Variants in DOP1A observed in about 807,000 individuals in gnomAD.
DOP1A encodes the protein DOP1 leucine zipper like protein A.
Under a neutral mutation model 267.6 loss-of-function variants are expected in DOP1A, and 90 were observed. That is an observed-to-expected ratio of 0.34 (90% confidence interval 0.28 to 0.40). DOP1A has a LOEUF of 0.40. Among genes scored for constraint, DOP1A ranks in the 10% least tolerant of loss-of-function variants. DOP1A has a pLI of 1.00. For missense variants in DOP1A, 2,437 were observed against 2,900.4 expected (o/e 0.84, Z 3.67); for synonymous variants, 932 against 999.1 (o/e 0.93, Z 1.27).
intron 1 of DOP1A, among the ~76,000 whole-genome samples, chr6:83,090,510 G>A (rs73752518): frequency 0.019 from 2,959 of 152,204 alleles, 108 homozygotes; most frequent in African/African-American, 0.067. Flanking sequence ...ATGGGGATAC[G>A]TTATATTTGC....
At chr6:83,147,974 G>C (rs1346140520) in intron 26 of DOP1A, among the ~76,000 whole-genome samples, 1 of 152,126 alleles carries the variant, frequency 6.6e-6, no homozygotes, top group Admixed American at 6.5e-5. Flanking sequence ...CAAGGTGAAG[G>C]AAAAAGAACT....
chr6:83,095,466 G>A (rs1158691479), intron 1 of DOP1A, among the ~76,000 whole-genome samples: 1 of 152,082 alleles, frequency 6.6e-6, no homozygotes, highest in African/African-American at 2.4e-5. Context: ...AATTGTGTTA[G>A]CATCCCCTAA....
chr6:83,088,132 A>G (rs1180081541), intron 1 of DOP1A, among the ~76,000 whole-genome samples: 1 of 152,076 alleles, frequency 6.6e-6, no homozygotes, highest in Non-Finnish European at 1.5e-5. Flanking sequence ...TCGGTCTCCC[A>G]AAGTGTTGGG....
rs764402698 is a variant in DOP1A, at chr6:83,168,007, G to A, written c.7238G>A (p.Ser2413Asn). The stretch of plus-strand genomic sequence containing the variant: ...CAAGTCTTCAACAGCAAAGTCACAA[G>A]CCGATGTGGAGGACACTCAGGGAGT... The part of the protein sequence containing the change: ...LSQVFNSKVT[S>N]RCGGHSGSPI... Residue 2413 changes from serine to asparagine, a missense_variant, in exon 39 of 39, where the codon AGC becomes AAC. Physicochemically the swap from Ser to Asn is conservative, Grantham distance 46. Transcript: ENST00000349129. 17 of 1,614,040 alleles carry A rather than the reference G, an allele frequency of 1.1e-5. No homozygotes were observed. The highest frequency in any genetic ancestry group is 9.9e-5 in the South Asian group (9 of 91,090).
intron 37 of DOP1A, among the ~76,000 whole-genome samples, chr6:83,161,852 G>A (rs1310771485): frequency 6.6e-6 from 1 of 152,046 alleles, no homozygotes; most frequent in Non-Finnish European, 1.5e-5. Context: ...ATTCTCAGAT[G>A]TGCACAAAAA....
intron 6 of DOP1A, among the ~76,000 whole-genome samples, chr6:83,111,608 T>G (rs1373135987): frequency 6.6e-6 from 1 of 152,146 alleles, no homozygotes; most frequent in Non-Finnish European, 1.5e-5. Context: ...TTGATTTGCA[T>G]TTCCCTAAAG....
chr6:83,091,494 A>G (rs1044346527), intron 1 of DOP1A, among the ~76,000 whole-genome samples: 4 of 152,200 alleles, frequency 2.6e-5, no homozygotes, highest in Admixed American at 2.6e-4. Context: ...GCCTAAAAAA[A>G]AGTAAGAAAG....
intron 15 of DOP1A, among the ~76,000 whole-genome samples, chr6:83,128,604 T>C (rs961387595): frequency 6.6e-6 from 1 of 152,196 alleles, no homozygotes; most frequent in African/African-American, 2.4e-5. Flanking sequence ...GAAAGTGATT[T>C]CATGAAGTAG....
At chr6:83,095,773 G>A (rs1350800237) in intron 1 of DOP1A, among the ~76,000 whole-genome samples, 1 of 152,132 alleles carries the variant, frequency 6.6e-6, no homozygotes, top group African/African-American at 2.4e-5. Flanking sequence ...GCCAGTTGGG[G>A]CCACAGTCAA....
rs776985152 is a variant in DOP1A at position 83,119,021 on chromosome 6, A to G, written c.880+34A>G. On this transcript the variant is annotated intron_variant, in intron 8 of 38. Coordinates refer to ENST00000349129, the MANE Select transcript of DOP1A (RefSeq NM_015018.4). Reference sequence around the variant, plus strand: ...TTGATGTCTGTGGTCATGATTGGGGAAAAAATGGAGGGAGATTTGTCATGT... The same window carrying G: ...TTGATGTCTGTGGTCATGATTGGGGGAAAAATGGAGGGAGATTTGTCATGT... 5.4e-4 allele frequency: 855 copies of G among 1,578,528 alleles called. 2 individuals carry two copies. Among genetic ancestry groups the G allele is most frequent in the Admixed American group, 6.2e-4 (37 of 59,588 alleles).
intron 1 of DOP1A, among the ~76,000 whole-genome samples, chr6:83,074,035 A>G (rs867907359): frequency 2.0e-5 from 3 of 152,236 alleles, no homozygotes; most frequent in Admixed American, 2.0e-4. Flanking sequence ...TCAGGAAGTG[A>G]GGATCATTGA....
At chr6:83,087,272 AGTT>A (rs1251617887) in intron 1 of DOP1A, among the ~76,000 whole-genome samples, 1 of 152,224 alleles carries the variant, frequency 6.6e-6, no homozygotes, top group Non-Finnish European at 1.5e-5. Context: ...GGTATGAAAT[AGTT>A]GTGTCAAGAA....
intron 1 of DOP1A, among the ~76,000 whole-genome samples, chr6:83,076,967 A>C (rs1046590691): frequency 6.6e-5 from 10 of 152,372 alleles, no homozygotes; most frequent in African/African-American, 2.4e-4. Flanking sequence ...ACATGCTATA[A>C]CATGGATGAA....
chr6:83,094,468 A>G (rs1771075070), intron 1 of DOP1A, among the ~76,000 whole-genome samples: 1 of 152,186 alleles, frequency 6.6e-6, no homozygotes, highest in Admixed American at 6.5e-5. Flanking sequence ...AACCTTGGAG[A>G]ACTACTACCA....
At chr6:83,151,498 C>T in intron 27 of DOP1A, 95 bp from the exon 28 acceptor site, 1 of 857,686 alleles carries the variant, frequency 1.2e-6, no homozygotes, top group South Asian at 2.0e-5. Context: ...GAAATCAAGA[C>T]CATTAAGCCG....
In DOP1A at chr6:83,152,225, CACACACAT is replaced by C. The variant is rs563299569; in HGVS notation, c.6050-61_6050-54del. 2,760 of 934,622 alleles carry C rather than the reference CACACACAT, an allele frequency of 3.0e-3. 8 individuals carry two copies. Among genetic ancestry groups the C allele is most frequent in the Non-Finnish European group, 4.0e-3 (2,459 of 616,236 alleles). 57.9% of individuals were successfully genotyped at this position (934,622 alleles called of 1,614,324 possible). A position where few individuals can be genotyped will look rare whatever the true frequency, so the allele number is the denominator to read the frequency against. ...TATAAAAATAATACACACACACACA[CACACACAT>C]AAAATTTATTTTCAGTGGGAATTAG... On this transcript the variant is annotated intron_variant, in intron 29 of 38. Coordinates refer to ENST00000349129, the MANE Select transcript of DOP1A (RefSeq NM_015018.4).
chr6:83,090,793 T>C (rs1770210052), intron 1 of DOP1A, among the ~76,000 whole-genome samples: 1 of 152,274 alleles, frequency 6.6e-6, no homozygotes, highest in African/African-American at 2.4e-5. Flanking sequence ...GACTGAGAAC[T>C]GCAATTTGTA....
At chr6:83,163,505 A>G (rs900522721) in intron 38 of DOP1A, among the ~76,000 whole-genome samples, 26 of 152,332 alleles carry the variant, frequency 1.7e-4, no homozygotes, top group South Asian at 8.3e-4. Flanking sequence ...GGAAATAATC[A>G]TTAGCATTCA....
At chr6:83,148,035 T>A (rs779160003) in intron 26 of DOP1A, among the ~76,000 whole-genome samples, 1 of 152,154 alleles carries the variant, frequency 6.6e-6, no homozygotes, top group Non-Finnish European at 1.5e-5. Context: ...GTGGTATCAG[T>A]AGTTAAACTG....
Sources: allele counts gnomAD v4.1 joint callset (sites outside exome capture counted in the v4.1 genomes callset), GRCh38; gene constraint gnomAD v4.1.1; transcripts MANE v1.5; gene names NCBI Gene and HGNC (gene_info 2026-07-23, HGNC 2026-07-21).